Variants in COL14A1 observed in about 807,000 individuals in gnomAD.
The protein encoded by COL14A1 is collagen alpha-1(XIV) chain.
COL14A1 carries 136 observed loss-of-function variants against 230.3 expected under a neutral mutation model. That is an observed-to-expected ratio of 0.59 (90% CI 0.51 to 0.68). The LOEUF is 0.68. COL14A1 is among the 30% of genes least tolerant of loss of function. The pLI is 0.00. For missense variants in COL14A1, 1,976 were observed against 2,215.8 expected (o/e 0.89, Z 2.17); for synonymous variants, 792 against 784.1 (o/e 1.01, Z -0.17).
Position 120,315,617 on chromosome 8 carries a change from C to G in COL14A1, c.4605+31C>G, listed in dbSNP as rs202065076. ...ATTTTTGTTTTTTAAGTCTATTGCT[C>G]TCAGTCTACAACTTTGCCAAGGGGG... On this transcript the variant is annotated intron_variant, in intron 39 of 47. Coordinates refer to ENST00000297848, the MANE Select transcript of COL14A1 (RefSeq NM_021110.4). 5.2e-4 allele frequency: 817 copies of G among 1,580,246 alleles called. 5 individuals are homozygous for G. The highest frequency in any genetic ancestry group is 3.7e-4 in the Admixed American group (22 of 59,340).
intron 34 of COL14A1, among the ~76,000 whole-genome samples, chr8:120,293,467 A>AT (rs74648171): frequency 0.48 from 73,189 of 151,568 alleles, 18,011 homozygotes; most frequent in African/African-American, 0.58. Flanking sequence ...GGCAGTGTGT[A>AT]TTTTCCTGGG....
chr8:120,184,332 G>A (rs979650378), intron 5 of COL14A1, among the ~76,000 whole-genome samples: 5 of 151,466 alleles, frequency 3.3e-5, no homozygotes, highest in South Asian at 2.1e-4. Context: ...TTTGCTCACC[G>A]CAACCTCTGC....
Position 120,149,009 on chromosome 8 carries a change from A to G in COL14A1, c.88+1079A>G, listed in dbSNP as rs184932198. On this transcript the variant is annotated intron_variant, in intron 2 of 47. Coordinates refer to ENST00000297848, the MANE Select transcript of COL14A1 (RefSeq NM_021110.4). ...GCTACAGTGACAGAATTAAACAGTC[A>G]TGACAGAAACTATGTGTCCCGCAAA... Among the ~76,000 whole-genome samples the G allele has an allele frequency of 4.2e-3, 646 of 152,352 alleles. 2 individuals are homozygous for G. Among genetic ancestry groups the G allele is most frequent in the Non-Finnish European group, 7.8e-3 (530 of 68,020 alleles).
chr8:120,241,436 C>T (rs974514644), intron 19 of COL14A1, among the ~76,000 whole-genome samples: 4 of 152,078 alleles, frequency 2.6e-5, no homozygotes, highest in African/African-American at 7.2e-5. Flanking sequence ...CCAGGTTGCT[C>T]TGAAAAGCTT....
intron 20 of COL14A1, among the ~76,000 whole-genome samples, chr8:120,244,399 T>C (rs1818701978): frequency 6.6e-6 from 1 of 152,202 alleles, no homozygotes; most frequent in Non-Finnish European, 1.5e-5. Context: ...TTTACTTTTA[T>C]TTCCATAGGT....
intron 9 of COL14A1, among the ~76,000 whole-genome samples, chr8:120,206,233 C>G (rs113153517): frequency 0.018 from 2,750 of 152,180 alleles, 78 homozygotes; most frequent in African/African-American, 0.06. Context: ...TTGATTTTCT[C>G]ATATATGAAG....
intron 40 of COL14A1, among the ~76,000 whole-genome samples, chr8:120,328,808 C>G (rs1821773069): frequency 6.6e-6 from 1 of 152,188 alleles, no homozygotes; most frequent in African/African-American, 2.4e-5. Flanking sequence ...TCTGCAGTTT[C>G]TTTTCTGCAG....
intron 5 of COL14A1, among the ~76,000 whole-genome samples, chr8:120,193,948 C>G (rs1177901373): frequency 6.6e-6 from 1 of 152,180 alleles, no homozygotes; most frequent in Admixed American, 6.5e-5. Flanking sequence ...CAGGTGCCAT[C>G]TGTCACCCCT....
chr8:120,212,251 T>C (rs916274372), intron 12 of COL14A1, among the ~76,000 whole-genome samples, 197 bp from the exon 13 acceptor site: 4 of 152,254 alleles, frequency 2.6e-5, no homozygotes, highest in African/African-American at 7.2e-5. Flanking sequence ...TTTCGACTTA[T>C]ATGGTTCCAT....
intron 14 of COL14A1, among the ~76,000 whole-genome samples, chr8:120,224,123 T>G (rs1818020219): frequency 1.4e-5 from 2 of 145,742 alleles, no homozygotes; most frequent in African/African-American, 5.1e-5. Flanking sequence ...GTCACCCTGG[T>G]TCAAGCGATT....
At chr8:120,152,199 C>T (rs1815305335) in intron 2 of COL14A1, among the ~76,000 whole-genome samples, 1 of 151,972 alleles carries the variant, frequency 6.6e-6, no homozygotes, top group Non-Finnish European at 1.5e-5. Flanking sequence ...GTATGGCTCA[C>T]GTCTGTAATC....
intron 2 of COL14A1, among the ~76,000 whole-genome samples, chr8:120,153,124 G>A (rs147101250): frequency 5.5e-4 from 84 of 151,958 alleles, no homozygotes; most frequent in Admixed American, 9.8e-4. Flanking sequence ...TAATTGCTCC[G>A]ATTTATAAAA....
At chr8:120,208,491 C>T (rs1195414195) in intron 11 of COL14A1, 130 bp downstream of exon 11, 2 of 1,039,922 alleles carry the variant, frequency 1.9e-6, no homozygotes, top group African/African-American at 1.6e-5. Context: ...TCATAGAAGA[C>T]ATTTGTCGTG....
In COL14A1 at chr8:120,231,455, T is replaced by G; in HGVS notation, c.2198-12T>G. 1 of 1,612,350 alleles carries G rather than the reference T, an allele frequency of 6.2e-7. No individual in the cohort carries two copies. Among genetic ancestry groups the G allele is most frequent in the African/African-American group, 1.3e-5 (1 of 74,944 alleles). ...TTAAAAGTTTTTTAATCCTTGGTTG[T>G]GTTTATTCCAGTTTTCCAGACGGGA... On this transcript the variant is annotated splice_polypyrimidine_tract_variant and intron_variant, in intron 18 of 47. Coordinates refer to ENST00000297848, the MANE Select transcript of COL14A1 (RefSeq NM_021110.4).
chr8:120,293,416 A>C (rs1444332305), intron 34 of COL14A1, among the ~76,000 whole-genome samples: 2 of 152,004 alleles, frequency 1.3e-5, no homozygotes, highest in Non-Finnish European at 2.9e-5. Flanking sequence ...TTTTAAAATT[A>C]TAATGATAGC....
At chr8:120,322,300 A>G (rs1821479555) in intron 40 of COL14A1, among the ~76,000 whole-genome samples, 1 of 152,126 alleles carries the variant, frequency 6.6e-6, no homozygotes. Flanking sequence ...TGACAGGTTG[A>G]TAGGTGCAGC....
At chr8:120,158,089 A>T in intron 2 of COL14A1, 41 bp from the exon 3 acceptor site, 1 of 1,092,246 alleles carries the variant, frequency 9.2e-7, no homozygotes, top group Non-Finnish European at 1.4e-6. Flanking sequence ...TAGAAGCTTA[A>T]ATGTTACAAT....
intron 11 of COL14A1, 59 bp from the exon 12 acceptor site, chr8:120,209,697 C>G: frequency 6.7e-7 from 1 of 1,492,256 alleles, no homozygotes. Context: ...TTGATAATTT[C>G]ATTTTTCTCA....
At chr8:120,353,628 A>T (rs986870391) in intron 45 of COL14A1, among the ~76,000 whole-genome samples, 13 of 151,560 alleles carry the variant, frequency 8.6e-5, no homozygotes, top group Middle Eastern at 3.4e-3. Flanking sequence ...CAGCCAAAAA[A>T]CACATGAAAA....
Sources: allele counts gnomAD v4.1 joint callset (sites outside exome capture counted in the v4.1 genomes callset), GRCh38; gene constraint gnomAD v4.1.1; transcripts MANE v1.5; gene names NCBI Gene and HGNC (gene_info 2026-07-23, HGNC 2026-07-21).